Variants in GRM7 observed in about 807,000 individuals in gnomAD.
GRM7 encodes glutamate metabotropic receptor 7, also known as metabotropic glutamate receptor 7.
GRM7 carries 35 observed loss-of-function variants against 84.5 expected under a neutral mutation model. The observed-to-expected ratio is 0.41, with a 90% confidence interval of 0.32 to 0.55. The LOEUF (loss-of-function observed/expected upper bound fraction) is 0.55. GRM7 is among the 20% of genes least tolerant of loss of function. The pLI, the probability that GRM7 is intolerant of heterozygous loss-of-function variation, is 0.19. For synonymous variants in GRM7, 487 were observed against 455.1 expected (o/e 1.07, Z -0.89); for missense variants, 1,003 against 1,194.6 (o/e 0.84, Z 2.36).
At chr3:7,277,359 T>A (rs1178763695) in intron 2 of GRM7, among the ~76,000 whole-genome samples, 1 of 152,034 alleles carries the variant, frequency 6.6e-6, no homozygotes, top group Non-Finnish European at 1.5e-5. Flanking sequence ...TCCTCATTAT[T>A]TCATAAAAGG....
chr3:6,943,523 A>G (rs1009399049), intron 1 of GRM7, among the ~76,000 whole-genome samples: 1 of 152,056 alleles, frequency 6.6e-6, no homozygotes, highest in Non-Finnish European at 1.5e-5. Context: ...AGGTCAATTT[A>G]TAGATTCTAT....
chr3:7,421,755 T>C (rs1236838515), intron 5 of GRM7, among the ~76,000 whole-genome samples: 1 of 152,008 alleles, frequency 6.6e-6, no homozygotes, highest in Admixed American at 6.6e-5. Flanking sequence ...CTCCAGGTCC[T>C]TCCTGTGACC....
intron 2 of GRM7, among the ~76,000 whole-genome samples, chr3:7,238,304 G>A (rs1209100339): frequency 6.6e-6 from 1 of 152,076 alleles, no homozygotes; most frequent in African/African-American, 2.4e-5. Context: ...CATCACATTT[G>A]CTTCTGCTCT....
chr3:7,495,126 T>A (rs1232282546), intron 7 of GRM7, among the ~76,000 whole-genome samples: 1 of 152,140 alleles, frequency 6.6e-6, no homozygotes, highest in Non-Finnish European at 1.5e-5. Flanking sequence ...TTGGCCTGCT[T>A]CTGTGGACTG....
At chr3:7,082,890 G>T (rs1366805247) in intron 1 of GRM7, among the ~76,000 whole-genome samples, 2 of 152,122 alleles carry the variant, frequency 1.3e-5, no homozygotes, top group African/African-American at 4.8e-5. Flanking sequence ...AATCTTCTTT[G>T]CTGCAATCTC....
intron 2 of GRM7, among the ~76,000 whole-genome samples, chr3:7,196,877 A>G (rs148068053): frequency 1.1e-4 from 17 of 152,308 alleles, no homozygotes; most frequent in Non-Finnish European, 1.8e-4. Context: ...ATGTCAGTAC[A>G]CATGAAAGTT....
chr3:7,729,060 C>T (rs77328062), intron 9 of GRM7, among the ~76,000 whole-genome samples: 12 of 8,782 alleles, frequency 1.4e-3, no homozygotes, highest in Non-Finnish European at 9.9e-4. Flanking sequence ...TTTTTTTTTT[C>T]CCCATAGTTT....
chr3:6,936,846 A>G (rs957997281), intron 1 of GRM7, among the ~76,000 whole-genome samples: 26 of 152,178 alleles, frequency 1.7e-4, no homozygotes, highest in Non-Finnish European at 3.7e-4. Context: ...TTTTATTATT[A>G]GACATATATA....
At chr3:7,532,075 A>C (rs1252638987) in intron 7 of GRM7, among the ~76,000 whole-genome samples, 1 of 152,004 alleles carries the variant, frequency 6.6e-6, no homozygotes, top group African/African-American at 2.4e-5. Context: ...TTGGCCTGAA[A>C]TTTTCTTTTT....
At chr3:6,969,469 G>T (rs573414929) in intron 1 of GRM7, among the ~76,000 whole-genome samples, 46 of 152,304 alleles carry the variant, frequency 3.0e-4, no homozygotes, top group Non-Finnish European at 4.7e-4. Context: ...TCAGTAAATA[G>T]ATTTGAATCC....
At chr3:7,642,932 C>T (rs1419789585) in intron 8 of GRM7, among the ~76,000 whole-genome samples, 1 of 152,068 alleles carries the variant, frequency 6.6e-6, no homozygotes, top group Non-Finnish European at 1.5e-5. Flanking sequence ...GCAGAGAACA[C>T]AGAACTCTGT....
At chr3:7,495,448 A>C (rs1168139431) in intron 7 of GRM7, among the ~76,000 whole-genome samples, 1 of 151,920 alleles carries the variant, frequency 6.6e-6, no homozygotes, top group Non-Finnish European at 1.5e-5. Flanking sequence ...CCCCTCACTC[A>C]CCCTTCTTAG....
chr3:6,871,212 T>A (rs1392509019), intron 1 of GRM7, among the ~76,000 whole-genome samples: 1 of 152,198 alleles, frequency 6.6e-6, no homozygotes, highest in Non-Finnish European at 1.5e-5. Context: ...AGCATTTCAG[T>A]TTCCTATGTT....
chr3:7,228,679 T>C (rs1697062837), intron 2 of GRM7, among the ~76,000 whole-genome samples: 1 of 152,242 alleles, frequency 6.6e-6, no homozygotes, highest in Non-Finnish European at 1.5e-5. Context: ...CAAGAGACTC[T>C]ACTATGAGAT....
intron 7 of GRM7, among the ~76,000 whole-genome samples, chr3:7,556,264 A>G (rs1235207529): frequency 1.3e-5 from 2 of 152,242 alleles, no homozygotes; most frequent in East Asian, 3.9e-4. Flanking sequence ...ATCATCCCCA[A>G]TGGTTCTACC....
At chr3:7,126,968 A>G (rs1693423454) in intron 1 of GRM7, among the ~76,000 whole-genome samples, 2 of 152,234 alleles carry the variant, frequency 1.3e-5, no homozygotes, top group African/African-American at 2.4e-5. Flanking sequence ...GTAAATTTCA[A>G]TTATTTAAAT....
chr3:7,511,882 C>T (rs1461927882), intron 7 of GRM7, among the ~76,000 whole-genome samples: 1 of 152,090 alleles, frequency 6.6e-6, no homozygotes, highest in Non-Finnish European at 1.5e-5. Context: ...TGGCTCATGC[C>T]TGTAATCTCA....
intron 9 of GRM7, among the ~76,000 whole-genome samples, chr3:7,690,124 T>C (rs962826442): frequency 1.3e-5 from 2 of 152,138 alleles, no homozygotes; most frequent in African/African-American, 4.8e-5. Flanking sequence ...GAATGTGACA[T>C]GTTCTGGTAC....
chr3:6,963,130 A>C (rs572249051), intron 1 of GRM7, among the ~76,000 whole-genome samples: 2 of 152,312 alleles, frequency 1.3e-5, no homozygotes. Flanking sequence ...GATGTTTTCC[A>C]GGTGGCCAGT....
Sources: gnomAD v4.1 joint callset for allele counts (sites outside exome capture counted in the v4.1 genomes callset) on GRCh38, gnomAD v4.1.1 for gene constraint, MANE v1.5 for transcripts, NCBI Gene and HGNC (gene_info 2026-07-23, HGNC 2026-07-21) for gene names.